Variants in RPS6KA1 observed in about 807,000 individuals in gnomAD.
The protein encoded by RPS6KA1 is ribosomal protein S6 kinase A1.
Under a neutral mutation model 91.3 loss-of-function variants are expected in RPS6KA1, and 48 were observed. The observed-to-expected ratio is 0.53, with a 90% CI of 0.42 to 0.67. The LOEUF (loss-of-function observed/expected upper bound fraction) is 0.67. Ranked by LOEUF, RPS6KA1 falls within the 30% of genes least tolerant of loss-of-function variation. The pLI is 0.00. For synonymous variants in RPS6KA1, 359 were observed against 384.7 expected (o/e 0.93, Z 0.78); for missense variants, 719 against 960.5 (o/e 0.75, Z 3.32).
In RPS6KA1 at chr1:26,571,418, C is replaced by G; in HGVS notation, c.1591-31C>G. On this transcript the variant is annotated intron_variant, in intron 17 of 21. Transcript: ENST00000374168. The surrounding 1 kb of genome is among the most constrained non-coding windows in gnomAD (Gnocchi z 5.1). ...CTGGGCCACTAGCCACCTCCCCACA[C>G]TGAGAACTGACCCCAGCCCCCTGCC... 5.6e-6 allele frequency: 9 copies of G among 1,612,044 alleles called. No individual in the cohort carries two copies. Among genetic ancestry groups the G allele is most frequent in the Non-Finnish European group, 7.6e-6 (9 of 1,178,562 alleles).
Position 26,571,765 on chromosome 1 carries a change from G to T in RPS6KA1, c.1753-84G>T. On this transcript the variant is annotated intron_variant, in intron 18 of 21. Coordinates refer to ENST00000374168, the MANE Select transcript of RPS6KA1 (RefSeq NM_002953.4). The surrounding 1 kb of genome is among the most constrained non-coding windows in gnomAD (Gnocchi z 5.1). ...AGCCTGTGCCTGGGACCCTTGTCCT[G>T]CCCTTGAGGGGAGTAGCAGGAAACA... The T allele has an allele frequency of 2.7e-6, 4 of 1,498,882 alleles. No homozygotes were observed. The highest frequency in any genetic ancestry group is 3.6e-6 in the Non-Finnish European group (4 of 1,103,146). 92.8% of individuals were successfully genotyped at this position (1,498,882 alleles called of 1,614,324 possible).
At chr1:26,557,136 G>A (rs1471558162) in intron 13 of RPS6KA1, 36 bp downstream of exon 13, 1 of 1,550,264 alleles carries the variant, frequency 6.5e-7, no homozygotes, top group Non-Finnish European at 8.9e-7. Flanking sequence ...TCTTGGGCTG[G>A]TACAGGAGGG....
rs773409681 is a variant in RPS6KA1, at chr1:26,574,253, T to G, written c.*52T>G. On this transcript the variant is annotated 3_prime_UTR_variant, in exon 22 of 22. Transcript: ENST00000374168. This position sits in a 1 kb window ranked among gnomAD's most constrained non-coding sequence, Gnocchi z 4.3. ...CGGTGCTAGCTTGACACAGTCAGCA[T>G]GCTTCCCAGAGGGAGCAGGCCGGAA... 1 of 1,609,914 alleles carries G rather than the reference T, an allele frequency of 6.2e-7. No individual in the cohort carries two copies. Among genetic ancestry groups the G allele is most frequent in the Admixed American group, 1.7e-5 (1 of 59,982 alleles).
In RPS6KA1 at chr1:26,551,829, G is replaced by A. The variant is rs912807675; in HGVS notation, c.468+106G>A. ...AATGTGTTTGGTATGGCTTGAACCT[G>A]GAACCACCCAGGCCTGCCTAGCAGC... On this transcript the variant is annotated intron_variant, in intron 6 of 21. Transcript: ENST00000374168. The surrounding 1 kb of genome is among the most constrained non-coding windows in gnomAD (Gnocchi z 4.5). 2.0e-5 allele frequency: 20 copies of A among 1,007,590 alleles called. No homozygotes were observed. The highest frequency in any genetic ancestry group is 3.9e-5 in the Admixed American group (2 of 51,674). The allele number at this position is 1,007,590 out of a possible 1,614,324, so 62.4% of individuals were successfully genotyped here.
At chr1:26,530,894 A>G (rs947325871) in intron 1 of RPS6KA1, 2 of 1,270,612 alleles carry the variant, frequency 1.6e-6, no homozygotes, top group African/African-American at 3.1e-5. Context: ...CTTGCTGGGA[A>G]GGAAGCAGGT....
At chr1:26,565,724 G>C (rs1570458802) in intron 17 of RPS6KA1, among the ~76,000 whole-genome samples, 2 of 151,990 alleles carry the variant, frequency 1.3e-5, no homozygotes, top group East Asian at 3.9e-4. Flanking sequence ...ACCACATCCA[G>C]CTAATTTTTG....
At chr1:26,546,167 G>C in intron 2 of RPS6KA1, 1 of 1,003,708 alleles carries the variant, frequency 1.0e-6, no homozygotes, top group Non-Finnish European at 1.4e-6. Context: ...ACTGGACCCT[G>C]CCCAGACTTG....
At position 26,547,096 on chromosome 1, in the gene RPS6KA1, A is replaced by G; in HGVS notation, c.226-93A>G. 6.5e-7 allele frequency: 1 copy of G among 1,550,324 alleles called. No individual in the cohort carries two copies. The highest frequency in any genetic ancestry group is 1.1e-5 in the South Asian group (1 of 89,648). On this transcript the variant is annotated intron_variant, in intron 3 of 21. Coordinates refer to ENST00000374168, the MANE Select transcript of RPS6KA1 (RefSeq NM_002953.4). The surrounding 1 kb of genome is among the most constrained non-coding windows in gnomAD (Gnocchi z 4.1). ...GGTCACCTTGGTACCCAGGGAGAGC[A>G]AAAAGGTCAGCTTGGGGCTCAGAGA...
At chr1:26,559,266 A>G (rs919905893) in intron 14 of RPS6KA1, among the ~76,000 whole-genome samples, 23 of 152,120 alleles carry the variant, frequency 1.5e-4, no homozygotes, top group African/African-American at 5.3e-4. Flanking sequence ...CCATTTGTAC[A>G]CTTCTACTGC....
At chr1:26,544,188 G>A (rs1214474093) in intron 2 of RPS6KA1, 1 of 456,338 alleles carries the variant, frequency 2.2e-6, no homozygotes, top group African/African-American at 2.0e-5. Flanking sequence ...GGTATTGTCA[G>A]TCTGCTTGGG....
chr1:26,534,519 C>G (rs2075892813), intron 1 of RPS6KA1, among the ~76,000 whole-genome samples: 2 of 152,240 alleles, frequency 1.3e-5, no homozygotes, highest in South Asian at 4.2e-4. Context: ...AGCCACCATA[C>G]AAATGCTGGG....
In RPS6KA1 at chr1:26,540,798, AT is replaced by A. The variant is rs907473865; in HGVS notation, c.108+3838del. On this transcript the variant is annotated intron_variant, in intron 2 of 21. Transcript: ENST00000374168. This position sits in a 1 kb window ranked among gnomAD's most constrained non-coding sequence, Gnocchi z 4.2. ...AGACCCATCCTCTACAAAAAACAAA[AT>A]TTTTTTTTGAGATGGAGTTTCACTT... Among the ~76,000 whole-genome samples, 2 of 150,748 alleles carry A rather than the reference AT, an allele frequency of 1.3e-5. No homozygotes were observed. Among genetic ancestry groups the A allele is most frequent in the African/African-American group, 4.9e-5 (2 of 40,914 alleles).
At chr1:26,552,728 C>A (rs1227357824) in intron 6 of RPS6KA1, 1 of 246,670 alleles carries the variant, frequency 4.1e-6, no homozygotes, top group Non-Finnish European at 8.3e-6. Context: ...CTCGGGTGAT[C>A]CGCCTGCCTC....
Position 26,551,299 on chromosome 1 carries a change from C to A in RPS6KA1, c.308-98C>A. On this transcript the variant is annotated intron_variant, in intron 4 of 21. Coordinates refer to ENST00000374168, the MANE Select transcript of RPS6KA1 (RefSeq NM_002953.4). The surrounding 1 kb of genome is among the most constrained non-coding windows in gnomAD (Gnocchi z 4.5). ...GTGAGGGGGCTTTGGGAGCTCAGGC[C>A]TGGAGGAACAAGTGGAAAAGAGATC... 1 of 1,072,498 alleles carries A rather than the reference C, an allele frequency of 9.3e-7. No homozygotes were observed. Among genetic ancestry groups the A allele is most frequent in the Non-Finnish European group, 1.4e-6 (1 of 701,988 alleles). The allele number at this position is 1,072,498 out of a possible 1,614,324, so 66.4% of individuals were successfully genotyped here. A position where few individuals can be genotyped will look rare whatever the true frequency, so the allele number is the denominator to read the frequency against.
intron 20 of RPS6KA1, among the ~76,000 whole-genome samples, chr1:26,573,017 A>G (rs1266939577): frequency 6.6e-6 from 1 of 152,224 alleles, no homozygotes; most frequent in East Asian, 1.9e-4. Flanking sequence ...AGGGTGTTCC[A>G]GGACGAAGGG....
chr1:26,573,993 G>C, intron 21 of RPS6KA1, 86 bp from the exon 22 acceptor site: 2 of 1,466,920 alleles, frequency 1.4e-6, no homozygotes, highest in Non-Finnish European at 9.2e-7. Context: ...GGAACACTGA[G>C]AGGGGCTGGC....
intron 17 of RPS6KA1, among the ~76,000 whole-genome samples, chr1:26,570,341 A>T (rs1380753534): frequency 6.6e-6 from 1 of 152,110 alleles, no homozygotes; most frequent in Non-Finnish European, 1.5e-5. Flanking sequence ...TTTAAAAATT[A>T]GCTGGGTATG....
chr1:26,563,263 G>A (rs967510187), intron 17 of RPS6KA1, among the ~76,000 whole-genome samples: 2 of 152,040 alleles, frequency 1.3e-5, no homozygotes, highest in Non-Finnish European at 2.9e-5. Context: ...GTCTCACTCT[G>A]TTGCCCAGGC....
chr1:26,558,957 G>C lies in RPS6KA1; in HGVS notation c.1215+20G>C. The C allele has an allele frequency of 6.2e-7, 1 of 1,602,772 alleles. No individual in the cohort carries two copies. The highest frequency in any genetic ancestry group is 8.5e-7 in the Non-Finnish European group (1 of 1,171,294). The stretch of plus-strand genomic sequence containing the variant: ...GTACAGGTGAGGGGGGCAGGGGGCT[G>C]CTGCTCCATTATCCTTTTCTAAAGA... On this transcript the variant is annotated intron_variant, in intron 14 of 21. Transcript: ENST00000374168. The surrounding 1 kb of genome is among the most constrained non-coding windows in gnomAD (Gnocchi z 4.0).
Sources: allele counts gnomAD v4.1 joint callset (sites outside exome capture counted in the v4.1 genomes callset), GRCh38; gene constraint gnomAD v4.1.1; non-coding constraint Gnocchi (gnomAD v3.1); transcripts MANE v1.5; gene names NCBI Gene and HGNC (gene_info 2026-07-23, HGNC 2026-07-21).